The following NAF1 variants were observed in gnomAD, a reference collection of about 807,000 sequenced individuals.
The protein encoded by NAF1 is nuclear assembly factor 1 ribonucleoprotein.
Under a neutral mutation model 40.6 loss-of-function variants are expected in NAF1, and 11 were observed. That is an observed-to-expected ratio of 0.27 (90% CI 0.17 to 0.45). NAF1 has a LOEUF of 0.45. NAF1 is among the 20% of genes least tolerant of loss of function. The pLI is 1.00. For missense variants in NAF1, 607 were observed against 611.1 expected (o/e 0.99, Z 0.07); for synonymous variants, 260 against 228.5 (o/e 1.14, Z -1.24).
At chr4:163,154,068 C>T (rs1333733969) in intron 2 of NAF1, among the ~76,000 whole-genome samples, 3 of 152,202 alleles carry the variant, frequency 2.0e-5, no homozygotes, top group African/African-American at 7.2e-5. Context: ...GACCACGAAC[C>T]CACCAGAAGG....
At chr4:163,159,803 T>C (rs1311197773) in intron 2 of NAF1, among the ~76,000 whole-genome samples, 1 of 152,176 alleles carries the variant, frequency 6.6e-6, no homozygotes, top group Non-Finnish European at 1.5e-5. Context: ...TGCTACATTA[T>C]ATGCCTAAAG....
At chr4:163,144,717 T>C (rs924982638) in intron 4 of NAF1, among the ~76,000 whole-genome samples, 1 of 152,238 alleles carries the variant, frequency 6.6e-6, no homozygotes, top group Non-Finnish European at 1.5e-5. Flanking sequence ...GCTTATGCCA[T>C]ATAACTAAAG....
rs561825903 is a variant in NAF1 at position 163,155,785 on chromosome 4, T to A, written c.541-7351A>T. ...TCCACGTTTCAGGGAAGGGTGTATA[T>A]GTGTGACAGAGAAGAGAAACACAGA... On this transcript the variant is annotated intron_variant, in intron 2 of 7. Transcript: ENST00000274054. 9.8e-5 allele frequency among the ~76,000 whole-genome samples: 15 copies of A among 152,302 alleles called. No individual in the cohort carries two copies. The East Asian group carries it at 2.9e-3, about 29-fold the overall frequency.
At chr4:163,131,747 T>C (rs1303331785) in intron 7 of NAF1, among the ~76,000 whole-genome samples, 2 of 152,330 alleles carry the variant, frequency 1.3e-5, no homozygotes, top group Middle Eastern at 3.4e-3. Flanking sequence ...AACTTTAGTA[T>C]TGCAAAAGGC....
chr4:163,106,477 T>C (rs1021329754), downstream of NAF1, among the ~76,000 whole-genome samples: 1 of 152,190 alleles, frequency 6.6e-6, no homozygotes, highest in African/African-American at 2.4e-5. Context: ...TTCCTGTCCA[T>C]CACAGCAGGG....
intron 6 of NAF1, among the ~76,000 whole-genome samples, chr4:163,134,274 C>T (rs1730975298): frequency 6.6e-6 from 1 of 151,954 alleles, no homozygotes; most frequent in African/African-American, 2.4e-5. Flanking sequence ...TGGATGGATA[C>T]ACATTTAAAA....
At chr4:163,119,959 G>A (rs1440265116) in intron 2 of NAF1, 2 of 152,034 alleles carry the variant, frequency 1.3e-5, no homozygotes, top group Non-Finnish European at 2.9e-5. Flanking sequence ...ACAAATATAC[G>A]AACAATTATA....
intron 1 of NAF1, 54 bp downstream of exon 1, chr4:163,166,309 C>T (rs1442373376): frequency 2.6e-6 from 4 of 1,515,452 alleles, no homozygotes; most frequent in African/African-American, 1.4e-5. Flanking sequence ...CCAGCCACCC[C>T]CGCCCGTCAT....
Position 163,129,041 on chromosome 4 carries a change from T to G in NAF1, c.1341A>C (p.Val447=). 1 of 1,336,582 alleles carries G rather than the reference T, an allele frequency of 7.5e-7. No homozygotes were observed. The highest frequency in any genetic ancestry group is 9.8e-7 in the Non-Finnish European group (1 of 1,024,840). The allele number at this position is 1,336,582 out of a possible 1,614,324, so 82.8% of individuals were successfully genotyped here. A position where few individuals can be genotyped will look rare whatever the true frequency, so the allele number is the denominator to read the frequency against. The stretch of plus-strand genomic sequence containing the variant: ...TGTTTGGTGTAGCCCAACCCATGTT[T>G]ACAGGTGGGGGTGGTGGTGGGGGTG... ...RPPPPPPPPP[V]NMGWATPNMA... Residue 447 remains valine, a synonymous_variant, in exon 8 of 8, where the codon GTA becomes GTC. Coordinates refer to ENST00000274054, the MANE Select transcript of NAF1 (RefSeq NM_138386.3).
chr4:163,150,831 C>A (rs1047269560), intron 2 of NAF1, among the ~76,000 whole-genome samples: 3 of 152,076 alleles, frequency 2.0e-5, no homozygotes, highest in African/African-American at 4.8e-5. Flanking sequence ...AAAATTTTGA[C>A]AGTTACTGCT....
At chr4:163,109,648 T>G (rs369337328), downstream of NAF1, among the ~76,000 whole-genome samples, 4 of 152,184 alleles carry the variant, frequency 2.6e-5, no homozygotes, top group African/African-American at 9.6e-5. Flanking sequence ...GTGAGGATGA[T>G]CTAACCCTAC....
chr4:163,148,016 G>C (rs889381709), intron 3 of NAF1, among the ~76,000 whole-genome samples: 7 of 152,050 alleles, frequency 4.6e-5, no homozygotes, highest in African/African-American at 1.7e-4. Context: ...ACCCACATGA[G>C]AACTGTATGA....
intron 4 of NAF1, among the ~76,000 whole-genome samples, chr4:163,144,701 C>G (rs1429430430): frequency 6.6e-6 from 1 of 152,046 alleles, no homozygotes; most frequent in Non-Finnish European, 1.5e-5. Flanking sequence ...TAATTTTTGC[C>G]AACAGGCTTA....
At chr4:163,106,869 T>G (rs1296086427), downstream of NAF1, among the ~76,000 whole-genome samples, 2 of 152,188 alleles carry the variant, frequency 1.3e-5, no homozygotes, top group Non-Finnish European at 1.5e-5. Context: ...TTCACTTCAA[T>G]TTATAGTACC....
chr4:163,145,830 A>G lies in NAF1; in HGVS notation c.669T>C (p.Val223=). ...TTTTAAAAATTACAGTCTCCTCATT[A>G]ACTGGAGGTAGGTTAGTCATAGATT... is the stretch of plus-strand genomic sequence containing the variant. ...IIESMTNLPP[V]NEETVIFKSD... Residue 223 remains valine, a synonymous_variant, in exon 4 of 8, where the codon GTT becomes GTC. Coordinates refer to ENST00000274054, the MANE Select transcript of NAF1 (RefSeq NM_138386.3). 2 of 1,584,556 alleles carry G rather than the reference A, an allele frequency of 1.3e-6. No individual in the cohort carries two copies. Among genetic ancestry groups the G allele is most frequent in the South Asian group, 2.3e-5 (2 of 87,440 alleles).
At position 163,166,801 on chromosome 4, in the gene NAF1, G is replaced by GT; in HGVS notation, c.-75_-74insA. On this transcript the variant is annotated 5_prime_UTR_variant, in exon 1 of 8. Transcript: ENST00000274054. The stretch of plus-strand genomic sequence containing the variant: ...AAGCTCACGGCTCTCTCCAGAAATA[G>GT]AAAAACAACTTAGGCAACCGCAGCA... 6.4e-7 allele frequency: 1 copy of GT among 1,568,672 alleles called. No individual in the cohort carries two copies. The highest frequency in any genetic ancestry group is 8.6e-7 in the Non-Finnish European group (1 of 1,159,736).
chr4:163,151,440 C>T (rs759520511), intron 2 of NAF1, among the ~76,000 whole-genome samples: 16 of 151,654 alleles, frequency 1.1e-4, no homozygotes, highest in Non-Finnish European at 2.1e-4. Context: ...CAGTGATTGG[C>T]TTTATCTTTA....
chr4:163,139,468 C>A (rs1375664143), intron 5 of NAF1, among the ~76,000 whole-genome samples: 1 of 151,934 alleles, frequency 6.6e-6, no homozygotes. Flanking sequence ...AAAAAAAAAT[C>A]TTAAATTCAT....
At chr4:163,109,553 G>A (rs1730106011), downstream of NAF1, among the ~76,000 whole-genome samples, 1 of 152,056 alleles carries the variant, frequency 6.6e-6, no homozygotes. Context: ...CCTCTTGTGA[G>A]GTTAATAATG....
Sources: allele counts gnomAD v4.1 joint callset (sites outside exome capture counted in the v4.1 genomes callset), GRCh38; gene constraint gnomAD v4.1.1; transcripts MANE v1.5; gene names NCBI Gene and HGNC (gene_info 2026-07-23, HGNC 2026-07-21).